SLC25A48: variants seen among roughly 807,000 people sequenced by gnomAD.
The protein encoded by SLC25A48 is solute carrier family 25 member 48.
Under a neutral mutation model 32.2 loss-of-function variants are expected in SLC25A48, and 29 were observed. The ratio of observed to expected loss-of-function variants is 0.90; its 90% CI spans 0.67 to 1.23. The LOEUF is 1.23. Ranked by LOEUF, SLC25A48 falls within the 50% of genes most tolerant of loss-of-function variation. SLC25A48 has a pLI of 0.00. For missense variants in SLC25A48, 399 were observed against 422.7 expected, an observed-to-expected ratio of 0.94 and a Z score of 0.49; for synonymous variants, 164 against 172.3, an observed-to-expected ratio of 0.95 and a Z score of 0.38.
At chr5:135,696,515 A>G (rs1754270753) in intron 3 of SLC25A48, among the ~76,000 whole-genome samples, 1 of 152,154 alleles carries the variant, frequency 6.6e-6, no homozygotes, top group Non-Finnish European at 1.5e-5. Context: ...GAATGAATGA[A>G]TGAATGAATG....
At chr5:135,622,717 CAT>C (rs1752353081) in intron 1 of SLC25A48, among the ~76,000 whole-genome samples, 1 of 152,192 alleles carries the variant, frequency 6.6e-6, no homozygotes, top group Non-Finnish European at 1.5e-5. Flanking sequence ...GTTCTTTACA[CAT>C]TTTTTATTTT....
At chr5:135,829,561 GGGAA>G (rs1310911760) in intron 4 of SLC25A48, among the ~76,000 whole-genome samples, 1 of 152,114 alleles carries the variant, frequency 6.6e-6, no homozygotes, top group Non-Finnish European at 1.5e-5. Context: ...GATGGTATTG[GGGAA>G]GGGATGTTTT....
At chr5:135,824,573 G>A (rs1757979527) in intron 4 of SLC25A48, 2 of 152,278 alleles carry the variant, frequency 1.3e-5, no homozygotes, top group African/African-American at 4.8e-5. Flanking sequence ...TGGAGTACCT[G>A]CCTTTCTTCT....
chr5:135,693,651 A>C (rs1191680034), intron 3 of SLC25A48, among the ~76,000 whole-genome samples: 2 of 152,108 alleles, frequency 1.3e-5, no homozygotes, highest in Non-Finnish European at 2.9e-5. Context: ...ACCTGACACC[A>C]CCCGTGCCAA....
At chr5:135,761,542 C>T (rs756307926) in intron 3 of SLC25A48, among the ~76,000 whole-genome samples, 1 of 151,980 alleles carries the variant, frequency 6.6e-6, no homozygotes, top group South Asian at 2.1e-4. Context: ...ATAAAACTAA[C>T]CAAAAATGTA....
intron 3 of SLC25A48, among the ~76,000 whole-genome samples, chr5:135,759,457 C>T (rs930147581): frequency 4.6e-5 from 7 of 152,126 alleles, no homozygotes; most frequent in African/African-American, 1.4e-4. Flanking sequence ...TATCTTTTCT[C>T]GTGCAATTTC....
chr5:135,695,436 G>A (rs984565046), intron 3 of SLC25A48, among the ~76,000 whole-genome samples: 1 of 152,232 alleles, frequency 6.6e-6, no homozygotes, highest in Non-Finnish European at 1.5e-5. Flanking sequence ...GGTTTCCTGG[G>A]ATCAGATAAT....
At chr5:135,871,242 G>A (rs1223178245) in intron 4 of SLC25A48, among the ~76,000 whole-genome samples, 3 of 152,178 alleles carry the variant, frequency 2.0e-5, no homozygotes, top group Non-Finnish European at 2.9e-5. Flanking sequence ...GTTCTATCAC[G>A]TGGCTGAGAT....
chr5:135,754,328 C>T (rs1755843302), intron 3 of SLC25A48, among the ~76,000 whole-genome samples: 1 of 151,982 alleles, frequency 6.6e-6, no homozygotes, highest in Non-Finnish European at 1.5e-5. Context: ...TGCCTGTCTA[C>T]ACACAGGGTT....
intron 3 of SLC25A48, among the ~76,000 whole-genome samples, chr5:135,686,458 G>A (rs183059766): frequency 1.0e-3 from 158 of 152,212 alleles, no homozygotes; most frequent in African/African-American, 3.3e-3. Flanking sequence ...CATTTATCTC[G>A]CATGTCTCAG....
intron 3 of SLC25A48, among the ~76,000 whole-genome samples, chr5:135,747,220 T>C (rs569611884): frequency 3.3e-5 from 5 of 152,106 alleles, no homozygotes; most frequent in African/African-American, 9.6e-5. Context: ...TTTAGCAGCA[T>C]TGATGTAATA....
At chr5:135,834,287 A>T (rs1352343240), upstream of SLC25A48, among the ~76,000 whole-genome samples, 6 of 152,180 alleles carry the variant, frequency 3.9e-5, no homozygotes, top group African/African-American at 1.4e-4. Context: ...ATGACCCTGA[A>T]CCACCAGGTG....
intron 3 of SLC25A48, among the ~76,000 whole-genome samples, chr5:135,809,273 T>G (rs1221885222): frequency 6.6e-6 from 1 of 152,182 alleles, no homozygotes; most frequent in East Asian, 1.9e-4. Flanking sequence ...CACTCCAGCC[T>G]GGGCAATAGA....
chr5:135,786,026 G>C (rs951859714), intron 3 of SLC25A48, among the ~76,000 whole-genome samples: 45 of 149,830 alleles, frequency 3.0e-4, no homozygotes, highest in Middle Eastern at 3.8e-3. Context: ...GGAGACGGTG[G>C]TATTTCTCCC....
intron 3 of SLC25A48, among the ~76,000 whole-genome samples, chr5:135,694,732 A>G (rs1754227960): frequency 6.6e-6 from 1 of 152,030 alleles, no homozygotes; most frequent in Non-Finnish European, 1.5e-5. Flanking sequence ...GACTACGGGC[A>G]CATGCCACCA....
intron 3 of SLC25A48, among the ~76,000 whole-genome samples, chr5:135,782,576 C>T (rs1450454512): frequency 8.6e-6 from 1 of 116,408 alleles, no homozygotes; most frequent in African/African-American, 2.6e-5. Flanking sequence ...GGGTGGTTAA[C>T]CCACCCTGTG....
chr5:135,587,660 A>C (rs971635536), intron 1 of SLC25A48, among the ~76,000 whole-genome samples: 1 of 152,194 alleles, frequency 6.6e-6, no homozygotes, highest in African/African-American at 2.4e-5. Flanking sequence ...TCTTCTATGA[A>C]GAAAACTTTT....
At position 135,796,171 on chromosome 5, in the gene SLC25A48, T is replaced by A. The variant is rs992235767; in HGVS notation, c.-520-16352T>A. Reference sequence around the variant, plus strand: ...TGATATTACTTTTTATATCGTGTGGTGTGTTCAGCCCCCTGTGATATGGTT... The same window carrying A: ...TGATATTACTTTTTATATCGTGTGGAGTGTTCAGCCCCCTGTGATATGGTT... On this transcript the variant is annotated intron_variant, in intron 3 of 10. Coordinates refer to the SLC25A48 transcript ENST00000646290. Among the ~76,000 whole-genome samples, 14 of 151,378 alleles carry A rather than the reference T, an allele frequency of 9.2e-5. No homozygotes were observed. The East Asian group carries it at 2.8e-3, about 30-fold the overall frequency.
At chr5:135,767,400 C>T (rs932376543) in intron 3 of SLC25A48, among the ~76,000 whole-genome samples, 4 of 151,846 alleles carry the variant, frequency 2.6e-5, no homozygotes, top group Non-Finnish European at 5.9e-5. Flanking sequence ...GGGCGGTGCA[C>T]ACACCCCTGT....
Sources: allele counts gnomAD v4.1 joint callset (sites outside exome capture counted in the v4.1 genomes callset), GRCh38; gene constraint gnomAD v4.1.1; transcripts MANE v1.5; gene names NCBI Gene and HGNC (gene_info 2026-07-23, HGNC 2026-07-21).